Variants in SLC5A11 observed in about 807,000 individuals in gnomAD.
SLC5A11 encodes solute carrier family 5 member 11, also known as sodium/myo-inositol cotransporter 2.
In SLC5A11, 48 loss-of-function variants were observed where a neutral mutation model predicts 69.8. The ratio of observed to expected loss-of-function variants is 0.69; its 90% confidence interval spans 0.55 to 0.87. The LOEUF is 0.87. Ranked by LOEUF, SLC5A11 falls within the 40% of genes least tolerant of loss-of-function variation. The probability of loss-of-function intolerance (pLI) is 0.00; values close to 1 mark genes in which losing one functional copy is unlikely to be tolerated. For synonymous variants in SLC5A11, 319 were observed against 342.4 expected (o/e 0.93, Z 0.75); for missense variants, 784 against 866.1 (o/e 0.91, Z 1.19).
chr16:24,881,597 C>T (rs2048045673), intron 7 of SLC5A11, among the ~76,000 whole-genome samples: 2 of 152,108 alleles, frequency 1.3e-5, no homozygotes, highest in South Asian at 2.1e-4. Context: ...CTGTGATTTG[C>T]ATTTTTCTGA....
At chr16:24,887,028 T>G (rs1174930634) in intron 8 of SLC5A11, among the ~76,000 whole-genome samples, 1 of 152,062 alleles carries the variant, frequency 6.6e-6, no homozygotes, top group Non-Finnish European at 1.5e-5. Context: ...AACAAACTGG[T>G]CTCATTCCCC....
chr16:24,890,874 G>A (rs61744722), exon 9 of SLC5A11: 28 of 1,613,994 alleles, frequency 1.7e-5, no homozygotes, highest in African/African-American at 8.0e-5. Flanking sequence ...TCTAGGTTTC[G>A]CCGCGGTTGG....
chr16:24,910,873 A>C (rs951130053), intron 15 of SLC5A11, among the ~76,000 whole-genome samples: 7 of 152,114 alleles, frequency 4.6e-5, no homozygotes, highest in Non-Finnish European at 1.0e-4. Context: ...AACATTTAAA[A>C]ATTGAGAGAT....
intron 9 of SLC5A11, among the ~76,000 whole-genome samples, chr16:24,893,838 C>T (rs1333819164): frequency 6.6e-6 from 1 of 152,198 alleles, no homozygotes; most frequent in African/African-American, 2.4e-5. Context: ...TCCCAAACTG[C>T]TGGGATTACA....
At chr16:24,903,804 AAG>A (rs1279579855) in intron 10 of SLC5A11, among the ~76,000 whole-genome samples, 45 of 152,324 alleles carry the variant, frequency 3.0e-4, no homozygotes, top group African/African-American at 1.1e-3. Context: ...GGCTATTGTG[AAG>A]AGTGTTGCAA....
chr16:24,904,342 A>C (rs1255237118), intron 10 of SLC5A11, among the ~76,000 whole-genome samples: 2 of 152,194 alleles, frequency 1.3e-5, no homozygotes, highest in Admixed American at 1.3e-4. Context: ...TTTCCATACT[A>C]GCTGTAGTAA....
chr16:24,891,349 C>CT (rs1407463257), intron 9 of SLC5A11, among the ~76,000 whole-genome samples: 1 of 135,524 alleles, frequency 7.4e-6, no homozygotes, highest in Non-Finnish European at 1.5e-5. Context: ...GGGTCTCACT[C>CT]TATCACCCAG....
chr16:24,876,764 A>T (rs2152319585), intron 6 of SLC5A11, among the ~76,000 whole-genome samples: 2 of 152,282 alleles, frequency 1.3e-5, no homozygotes, highest in South Asian at 4.1e-4. Flanking sequence ...GAGAAAGGGG[A>T]TTGGCCCTCC....
chr16:24,901,931 T>TACAC (rs749172893), intron 10 of SLC5A11, among the ~76,000 whole-genome samples: 17,145 of 137,776 alleles, frequency 0.12, 1,150 homozygotes, highest in African/African-American at 0.15. Flanking sequence ...GAAAAAAAAA[T>TACAC]ACACACACAC....
Position 24,849,593 on chromosome 16 carries a change from A to AATATAT in SLC5A11, c.-25+3180_-25+3185dup, listed in dbSNP as rs1555515955. Among the ~76,000 whole-genome samples, 88 of 35,868 alleles carry AATATAT rather than the reference A, an allele frequency of 2.5e-3. 2 individuals are homozygous for AATATAT. The highest frequency in any genetic ancestry group is 0.017 in the Middle Eastern group (1 of 60). 23.5% of individuals were successfully genotyped at this position (35,868 alleles called of 152,430 possible). On this transcript the variant is annotated intron_variant, in intron 1 of 15. Coordinates refer to ENST00000347898, the Ensembl canonical transcript of SLC5A11. ...GGGGCAAAAAAAAAAAAAAAAAAAA[A>AATATAT]ATATATATATATATATATATATATA...
intron 10 of SLC5A11, among the ~76,000 whole-genome samples, chr16:24,905,670 A>ACG (rs2050008866): frequency 1.3e-5 from 2 of 151,712 alleles, no homozygotes; most frequent in African/African-American, 4.8e-5. Context: ...ACACACACAC[A>ACG]CACACACACA....
intron 10 of SLC5A11, among the ~76,000 whole-genome samples, chr16:24,901,332 T>C (rs1158249427): frequency 5.7e-4 from 87 of 152,242 alleles, no homozygotes; most frequent in Non-Finnish European, 5.9e-5. Flanking sequence ...ATTATTCATT[T>C]GGCCAGGAGC....
At chr16:24,896,059 C>CTTT (rs11378871) in intron 9 of SLC5A11, among the ~76,000 whole-genome samples, 144 of 144,608 alleles carry the variant, frequency 1.0e-3, no homozygotes, top group African/African-American at 3.2e-3. Context: ...TAAAAAGGCT[C>CTTT]TTTTTTTTTT....
At chr16:24,895,966 C>T (rs1459025012) in intron 9 of SLC5A11, among the ~76,000 whole-genome samples, 1 of 152,020 alleles carries the variant, frequency 6.6e-6, no homozygotes, top group Non-Finnish European at 1.5e-5. Context: ...GTCTTAACCT[C>T]ACTACACTCT....
chr16:24,892,612 G>A (rs1048439217), intron 9 of SLC5A11, among the ~76,000 whole-genome samples: 18 of 152,040 alleles, frequency 1.2e-4, no homozygotes, highest in East Asian at 1.9e-4. Flanking sequence ...ATATTTTCTC[G>A]GGTTTTAAAC....
chr16:24,864,021 A>AATC (rs1161432414), intron 3 of SLC5A11, among the ~76,000 whole-genome samples: 1 of 152,244 alleles, frequency 6.6e-6, no homozygotes, highest in Non-Finnish European at 1.5e-5. Flanking sequence ...GTAGAAAAAC[A>AATC]ATCAGTGGTA....
In SLC5A11 at chr16:24,910,242, A is replaced by G. The variant is rs2050407304; in HGVS notation, c.1651-64A>G. ...TGTGGGGTTGGGTGGGGAGTGTGAG[A>G]AAAGGATGGACAACCCCGGCCCCAC... On this transcript the variant is annotated intron_variant, in intron 14 of 15. Transcript: ENST00000347898. 4 of 1,556,356 alleles carry G rather than the reference A, an allele frequency of 2.6e-6. No individual in the cohort carries two copies. The Admixed American group carries it at 6.9e-5, about 27-fold the overall frequency.
At chr16:24,848,221 G>A (rs947195910) in intron 1 of SLC5A11, among the ~76,000 whole-genome samples, 4 of 152,174 alleles carry the variant, frequency 2.6e-5, no homozygotes, top group Non-Finnish European at 4.4e-5. Context: ...GCACAACAAA[G>A]CACCCCAGCA....
At chr16:24,874,318 T>C (rs957215289) in intron 5 of SLC5A11, among the ~76,000 whole-genome samples, 3 of 152,210 alleles carry the variant, frequency 2.0e-5, no homozygotes, top group Admixed American at 2.0e-4. Context: ...CTTCTACACA[T>C]AGACAAGCAT....
Sources: allele counts gnomAD v4.1 joint callset (sites outside exome capture counted in the v4.1 genomes callset), GRCh38; gene constraint gnomAD v4.1.1; transcripts MANE v1.5; gene names NCBI Gene and HGNC (gene_info 2026-07-23, HGNC 2026-07-21).